The following RB1CC1 variants were observed in gnomAD, a reference collection of about 807,000 sequenced individuals.
RB1CC1 encodes RB1 inducible coiled-coil 1, also known as RB1-inducible coiled-coil protein 1.
A neutral mutation model predicts 177.5 loss-of-function variants in RB1CC1; 46 were observed. That is an observed-to-expected ratio of 0.26 (90% CI 0.20 to 0.33). The LOEUF (loss-of-function observed/expected upper bound fraction) is 0.33. RB1CC1 is among the 10% of genes least tolerant of loss of function. RB1CC1 has a pLI of 1.00. For synonymous variants in RB1CC1, 666 were observed against 613.6 expected (o/e 1.09, Z -1.26); for missense variants, 1,703 against 1,816.3 (o/e 0.94, Z 1.13).
chr8:52,655,963 A>T, intron 15 of RB1CC1, 45 bp downstream of exon 15: 1 of 1,401,678 alleles, frequency 7.1e-7, no homozygotes, highest in South Asian at 1.3e-5. Flanking sequence ...CAAACGAATC[A>T]CTGATATTTT....
At chr8:52,713,595 G>T (rs538374213) in intron 1 of RB1CC1, among the ~76,000 whole-genome samples, 2 of 152,254 alleles carry the variant, frequency 1.3e-5, no homozygotes, top group East Asian at 3.9e-4. Context: ...GTTCGGCCTC[G>T]GCCAAACTCC....
At chr8:52,688,708 G>T (rs1334346105) in intron 1 of RB1CC1, among the ~76,000 whole-genome samples, 1 of 152,064 alleles carries the variant, frequency 6.6e-6, no homozygotes, top group Non-Finnish European at 1.5e-5. Context: ...ATGTGATCTT[G>T]TACCTACTCC....
At chr8:52,662,821 A>T (rs1231973119) in intron 8 of RB1CC1, among the ~76,000 whole-genome samples, 1 of 152,004 alleles carries the variant, frequency 6.6e-6, no homozygotes, top group Non-Finnish European at 1.5e-5. Context: ...TCTTTGGTTA[A>T]CTGCAACTAT....
At chr8:52,671,398 G>A (rs1852584172) in intron 7 of RB1CC1, among the ~76,000 whole-genome samples, 1 of 152,176 alleles carries the variant, frequency 6.6e-6, no homozygotes, top group Non-Finnish European at 1.5e-5. Context: ...GGAAAACAGT[G>A]CTACTGCGAT....
rs112469102 is a variant in RB1CC1 at position 52,630,345 on chromosome 8, C to T, written c.4499+125G>A. On this transcript the variant is annotated intron_variant, in intron 21 of 23. Transcript: ENST00000025008. Reference sequence around the variant, plus strand: ...GCTTTCCAGTAAAAAACTTTTACTACTACTGAGTGCAAAACACTCAGCTCA... The same window carrying T: ...GCTTTCCAGTAAAAAACTTTTACTATTACTGAGTGCAAAACACTCAGCTCA... 32 of 1,161,138 alleles carry T rather than the reference C, an allele frequency of 2.8e-5. No individual in the cohort carries two copies. In the African/African-American group the frequency reaches 3.1e-4, roughly 11 times the overall value. The allele number at this position is 1,161,138 out of a possible 1,614,324, so 71.9% of individuals were successfully genotyped here. A position where few individuals can be genotyped will look rare whatever the true frequency, so the allele number is the denominator to read the frequency against.
At chr8:52,668,306 G>GC in intron 7 of RB1CC1, 115 bp from the exon 8 acceptor site, 1 of 1,202,286 alleles carries the variant, frequency 8.3e-7, no homozygotes, top group Admixed American at 2.6e-5. Flanking sequence ...ATATAAAAAA[G>GC]CAAAAGCATG....
intron 1 of RB1CC1, among the ~76,000 whole-genome samples, chr8:52,702,708 C>CA (rs111945832): frequency 6.1e-4 from 87 of 143,656 alleles, no homozygotes; most frequent in Middle Eastern, 7.0e-3. Flanking sequence ...GAGTGAGACT[C>CA]AAAAAAAAAG....
intron 1 of RB1CC1, among the ~76,000 whole-genome samples, chr8:52,710,259 A>T (rs1856936335): frequency 6.6e-6 from 1 of 152,170 alleles, no homozygotes; most frequent in Non-Finnish European, 1.5e-5. Flanking sequence ...CTGAAAGAAA[A>T]CCTTTTTCAT....
intron 20 of RB1CC1, among the ~76,000 whole-genome samples, chr8:52,632,529 A>G (rs113110065): frequency 1.7e-4 from 26 of 152,342 alleles, no homozygotes; most frequent in East Asian, 7.7e-4. Context: ...AGTTTTTTAA[A>G]AGCTTAAGTT....
At chr8:52,635,543 G>A (rs956934176) in intron 19 of RB1CC1, among the ~76,000 whole-genome samples, 1 of 151,974 alleles carries the variant, frequency 6.6e-6, no homozygotes, top group Admixed American at 6.6e-5. Flanking sequence ...CTTAATAAAG[G>A]AAACCCTTTA....
intron 1 of RB1CC1, among the ~76,000 whole-genome samples, chr8:52,697,993 C>T (rs1419288888): frequency 6.6e-6 from 1 of 152,134 alleles, no homozygotes; most frequent in East Asian, 1.9e-4. Flanking sequence ...TTATTAGTAA[C>T]AAATATTTGT....
chr8:52,676,262 T>C, intron 6 of RB1CC1, 107 bp downstream of exon 6: 1 of 958,718 alleles, frequency 1.0e-6, no homozygotes, highest in South Asian at 1.5e-5. Flanking sequence ...AAACCTCAGT[T>C]ACAATAAATA....
Position 52,668,161 on chromosome 8 carries a change from C to A in RB1CC1, c.1033G>T (p.Ala345Ser). ...LDPRIIRPFI[A>S]ECRQTIAKLD... ...TTGGCAATAGTTTGACGGCATTCTG[C>A]TATAAATGGTCGAATAATCCTTGGA... Residue 345 changes from alanine (A) to serine (S), a missense_variant, in exon 8 of 24, where the codon GCA becomes TCA. Around this residue, in one of 6 missense-constraint regions of RB1CC1, gnomAD observed 315 missense variants for 304.9 expected, o/e 1.03. Transcript: ENST00000025008. The A allele has an allele frequency of 1.2e-6, 2 of 1,613,856 alleles. No individual in the cohort carries two copies. The highest frequency in any genetic ancestry group is 1.7e-6 in the Non-Finnish European group (2 of 1,179,958).
chr8:52,687,783 G>A (rs1219535052), intron 1 of RB1CC1, among the ~76,000 whole-genome samples: 2 of 152,178 alleles, frequency 1.3e-5, no homozygotes, highest in Non-Finnish European at 2.9e-5. Flanking sequence ...AGGGCCCAGT[G>A]AAGCCATGCC....
chr8:52,664,724 A>G (rs1334476018), intron 8 of RB1CC1, among the ~76,000 whole-genome samples: 1 of 152,180 alleles, frequency 6.6e-6, no homozygotes, highest in Non-Finnish European at 1.5e-5. Context: ...AAAAGCTCAA[A>G]TCGCAAATAA....
intron 8 of RB1CC1, among the ~76,000 whole-genome samples, chr8:52,663,336 A>G (rs939740617): frequency 7.9e-5 from 12 of 151,666 alleles, no homozygotes; most frequent in Admixed American, 5.2e-4. Flanking sequence ...ACACAGCTTC[A>G]TAGGTTTGGT....
chr8:52,634,317 G>A (rs1198585753), intron 20 of RB1CC1, among the ~76,000 whole-genome samples: 1 of 152,084 alleles, frequency 6.6e-6, no homozygotes, highest in East Asian at 1.9e-4. Flanking sequence ...GAGGCCAGGG[G>A]TTTGAGACCA....
intron 8 of RB1CC1, among the ~76,000 whole-genome samples, chr8:52,664,926 T>C (rs984636786): frequency 8.5e-5 from 13 of 152,120 alleles, no homozygotes; most frequent in East Asian, 7.7e-4. Flanking sequence ...ACTGTTCAAG[T>C]GATATAAAGC....
intron 15 of RB1CC1, among the ~76,000 whole-genome samples, chr8:52,655,750 T>C (rs146840504): frequency 9.7e-4 from 148 of 152,234 alleles, no homozygotes; most frequent in East Asian, 5.0e-3. Context: ...AAGAGCTCTT[T>C]AAAACATTTC....
Sources: allele counts gnomAD v4.1 joint callset (sites outside exome capture counted in the v4.1 genomes callset), GRCh38; gene constraint gnomAD v4.1.1; regional missense constraint gnomAD v4.1.1; transcripts MANE v1.5; gene names NCBI Gene and HGNC (gene_info 2026-07-23, HGNC 2026-07-21).